The following ZFAND3 variants were observed in gnomAD, a reference collection of about 807,000 sequenced individuals.
ZFAND3 encodes AN1-type zinc finger protein 3.
Under a neutral mutation model 29.6 loss-of-function variants are expected in ZFAND3, and 10 were observed. The ratio of observed to expected loss-of-function variants is 0.34; its 90% CI spans 0.21 to 0.57. The LOEUF (loss-of-function observed/expected upper bound fraction) is 0.57. Ranked by LOEUF, ZFAND3 falls within the 20% of genes least tolerant of loss-of-function variation. The pLI, the probability that ZFAND3 is intolerant of heterozygous loss-of-function variation, is 0.86. For synonymous variants in ZFAND3, 128 were observed against 112.6 expected (o/e 1.14, Z -0.87); for missense variants, 230 against 304.5 (o/e 0.76, Z 1.82).
intron 2 of ZFAND3, among the ~76,000 whole-genome samples, chr6:37,977,780 T>TTG (rs1330648916): frequency 2.8e-5 from 4 of 143,732 alleles, no homozygotes; most frequent in African/African-American, 1.0e-4. Flanking sequence ...GTTTTTTGTT[T>TTG]TTTTTTTTTT....
rs564843366 is a variant in ZFAND3, at chr6:38,139,048, G to A, written c.530-13187G>A. 3.9e-5 allele frequency among the ~76,000 whole-genome samples: 6 copies of A among 152,298 alleles called. 1 individual carries two copies. In the South Asian group the frequency reaches 1.2e-3, roughly 32 times the overall value. ...GTGATTTTAGAGGAGAAACCATGAA[G>A]GATTCCAAGGAGCAGCAGTTGGTCA... On this transcript the variant is annotated intron_variant, in intron 5 of 5. Coordinates refer to ENST00000287218, the MANE Select transcript of ZFAND3 (RefSeq NM_021943.3).
chr6:37,980,202 A>G (rs1762556611), intron 2 of ZFAND3, among the ~76,000 whole-genome samples: 1 of 150,118 alleles, frequency 6.7e-6, no homozygotes, highest in Admixed American at 6.6e-5. Flanking sequence ...AGTCATGAAA[A>G]TTGTAATTTT....
At chr6:37,949,435 C>T (rs750968757) in intron 2 of ZFAND3, among the ~76,000 whole-genome samples, 15 of 152,114 alleles carry the variant, frequency 9.9e-5, no homozygotes, top group Non-Finnish European at 1.9e-4. Flanking sequence ...TCTCTCCCCA[C>T]CACCAAGCAG....
intron 3 of ZFAND3, among the ~76,000 whole-genome samples, chr6:38,076,234 T>TA (rs1764550931): frequency 6.6e-6 from 1 of 152,148 alleles, no homozygotes; most frequent in Non-Finnish European, 1.5e-5. Flanking sequence ...AAAATTAAGG[T>TA]ATGTACATTG....
chr6:38,094,500 A>G (rs1456804128), intron 4 of ZFAND3, among the ~76,000 whole-genome samples: 2 of 152,194 alleles, frequency 1.3e-5, no homozygotes, highest in East Asian at 3.8e-4. Context: ...TTCTCTCTTG[A>G]CAGTTTTAGT....
At chr6:38,062,905 G>T (rs2127464027) in intron 3 of ZFAND3, among the ~76,000 whole-genome samples, 1 of 151,254 alleles carries the variant, frequency 6.6e-6, no homozygotes, top group East Asian at 1.9e-4. Context: ...AGACAACATG[G>T]TGAGACTCTT....
Position 38,152,620 on chromosome 6 carries a change from G to T in ZFAND3, c.*231G>T. The T allele has an allele frequency of 8.2e-7, 1 of 1,226,444 alleles. No individual in the cohort carries two copies. Among genetic ancestry groups the T allele is most frequent in the Non-Finnish European group, 1.0e-6 (1 of 984,122 alleles). 76.0% of individuals were successfully genotyped at this position (1,226,444 alleles called of 1,614,324 possible). A position where few individuals can be genotyped will look rare whatever the true frequency, so the allele number is the denominator to read the frequency against. On this transcript the variant is annotated 3_prime_UTR_variant, in exon 6 of 6. Coordinates refer to ENST00000287218, the MANE Select transcript of ZFAND3 (RefSeq NM_021943.3). ...TAGCCATTGTATAAAATTAAAACAT[G>T]AAGAATATTTTTTTTTTGAGCATGG...
intron 1 of ZFAND3, among the ~76,000 whole-genome samples, chr6:37,888,115 G>T (rs1248403115): frequency 6.6e-6 from 1 of 152,076 alleles, no homozygotes; most frequent in Non-Finnish European, 1.5e-5. Context: ...CATCTTTCTG[G>T]TAAGTACCTA....
intron 4 of ZFAND3, among the ~76,000 whole-genome samples, chr6:38,089,497 C>A (rs1011336484): frequency 6.6e-6 from 1 of 152,192 alleles, no homozygotes; most frequent in Non-Finnish European, 1.5e-5. Flanking sequence ...AGAAAACCCC[C>A]TTCATCTGGA....
At chr6:37,838,043 G>C (rs1581698561) in intron 1 of ZFAND3, among the ~76,000 whole-genome samples, 1 of 152,290 alleles carries the variant, frequency 6.6e-6, no homozygotes, top group East Asian at 1.9e-4. Flanking sequence ...GGGAGACCCA[G>C]GGCTGCAATC....
intron 1 of ZFAND3, among the ~76,000 whole-genome samples, chr6:37,870,292 C>CAA (rs1174577231): frequency 0.031 from 1,031 of 33,486 alleles, 231 homozygotes; most frequent in African/African-American, 0.11. Flanking sequence ...GAGACTGTCT[C>CAA]AAAAAAAAAA....
chr6:38,090,880 T>G (rs1764854062), intron 4 of ZFAND3, among the ~76,000 whole-genome samples: 1 of 152,196 alleles, frequency 6.6e-6, no homozygotes, highest in Non-Finnish European at 1.5e-5. Flanking sequence ...GAGGGAAAAT[T>G]AACTGTTTTG....
chr6:37,835,322 C>G (rs903142568), intron 1 of ZFAND3, among the ~76,000 whole-genome samples: 1 of 152,060 alleles, frequency 6.6e-6, no homozygotes, highest in African/African-American at 2.4e-5. Flanking sequence ...CCACACTCAG[C>G]TAACTTAAAT....
chr6:38,153,796 C>A lies in ZFAND3; in HGVS notation c.*1407C>A. On this transcript the variant is annotated 3_prime_UTR_variant, in exon 6 of 6. Coordinates refer to ENST00000287218, the MANE Select transcript of ZFAND3 (RefSeq NM_021943.3). ...AGGCAGGGTGAGCAGTCCCAGTGGT[C>A]CTAGTGCCGCATCAGATCCAGGTGG... The A allele has an allele frequency of 1.0e-6, 1 of 985,536 alleles. No individual in the cohort carries two copies. The highest frequency in any genetic ancestry group is 1.2e-6 in the Non-Finnish European group (1 of 829,998). The allele number at this position is 985,536 out of a possible 1,614,324, so 61.0% of individuals were successfully genotyped here. A position where few individuals can be genotyped will look rare whatever the true frequency, so the allele number is the denominator to read the frequency against.
rs535441234 is a variant in ZFAND3 at position 38,019,301 on chromosome 6, A to G, written c.113-42292A>G. The stretch of plus-strand genomic sequence containing the variant: ...GATATCTTATTTTGCTTTAGTTTGT[A>G]TATGTTGAGGTTGAACATTTTTAAT... On this transcript the variant is annotated intron_variant, in intron 2 of 5. Transcript: ENST00000287218. Among the ~76,000 whole-genome samples, 7 of 152,256 alleles carry G rather than the reference A, an allele frequency of 4.6e-5. No homozygotes were observed. The South Asian group carries it at 1.2e-3, about 27-fold the overall frequency.
intron 3 of ZFAND3, among the ~76,000 whole-genome samples, chr6:38,080,821 A>G (rs893351622): frequency 6.6e-6 from 1 of 152,082 alleles, no homozygotes; most frequent in Non-Finnish European, 1.5e-5. Context: ...CATGTTTCTC[A>G]TTGTCTCTTC....
chr6:37,912,752 C>G (rs562096497), intron 1 of ZFAND3, among the ~76,000 whole-genome samples: 2 of 152,282 alleles, frequency 1.3e-5, no homozygotes, highest in South Asian at 2.1e-4. Flanking sequence ...AGTGAGAAAA[C>G]TGTTTGAAAA....
intron 4 of ZFAND3, among the ~76,000 whole-genome samples, chr6:38,095,829 G>A (rs1009473648): frequency 2.2e-4 from 34 of 152,068 alleles, no homozygotes; most frequent in African/African-American, 8.2e-4. Context: ...CCCAGGAATT[G>A]GAGACCAGCC....
intron 2 of ZFAND3, among the ~76,000 whole-genome samples, chr6:38,051,802 T>A (rs1764032616): frequency 6.6e-6 from 1 of 152,252 alleles, no homozygotes. Flanking sequence ...TATTTTGTGG[T>A]TAGACTGAAA....
Sources: allele counts gnomAD v4.1 joint callset (sites outside exome capture counted in the v4.1 genomes callset), GRCh38; gene constraint gnomAD v4.1.1; transcripts MANE v1.5; gene names NCBI Gene and HGNC (gene_info 2026-07-23, HGNC 2026-07-21).